The following EPHX1 variants were observed in gnomAD, a reference collection of about 807,000 sequenced individuals.
EPHX1 encodes the protein epoxide hydratase.
EPHX1 carries 40 observed loss-of-function variants against 43.2 expected under a neutral mutation model. That is an observed-to-expected ratio of 0.93 (90% CI 0.72 to 1.21). The LOEUF (loss-of-function observed/expected upper bound fraction) is 1.21. EPHX1 is among the 50% of genes most tolerant of loss of function. The pLI is 0.00. For synonymous variants in EPHX1, 221 were observed against 226.7 expected, an observed-to-expected ratio of 0.98 and a Z score of 0.22; for missense variants, 550 against 570.4, an observed-to-expected ratio of 0.96 and a Z score of 0.36.
At chr1:225,834,097 CAAAAAAAAAAAAAAGA>C (rs1163910136) in intron 3 of EPHX1, among the ~76,000 whole-genome samples, 1 of 56,938 alleles carries the variant, frequency 1.8e-5, no homozygotes, top group Non-Finnish European at 3.0e-5. Flanking sequence ...GACTCTGTCT[CAAAAAAAAAAAAAAGA>C]AAAAAAAAAA....
intron 3 of EPHX1, among the ~76,000 whole-genome samples, chr1:225,835,382 CTTTTTTTT>C (rs763161291): frequency 1.1e-5 from 1 of 90,978 alleles, no homozygotes; most frequent in African/African-American, 4.7e-5. Flanking sequence ...CCACACTAGG[CTTTTTTTT>C]TTTTTTTTTT....
intron 1 of EPHX1, among the ~76,000 whole-genome samples, chr1:225,818,005 TA>T (rs1666804878): frequency 6.6e-6 from 1 of 152,168 alleles, no homozygotes; most frequent in African/African-American, 2.4e-5. Context: ...CCCATCTTTT[TA>T]GACCCAAAAC....
intron 1 of EPHX1, among the ~76,000 whole-genome samples, chr1:225,827,308 T>TC (rs1395248069): frequency 1.3e-5 from 2 of 152,070 alleles, no homozygotes; most frequent in African/African-American, 2.4e-5. Context: ...CTCGATGCTT[T>TC]CTCCTCCGTC....
chr1:225,830,084 A>C (rs1344436732), intron 2 of EPHX1, among the ~76,000 whole-genome samples: 1 of 152,228 alleles, frequency 6.6e-6, no homozygotes, highest in Non-Finnish European at 1.5e-5. Flanking sequence ...ATCTCAAAAA[A>C]AGAAACAGAT....
At position 225,823,383 on chromosome 1, in the gene EPHX1, T is replaced by C. The variant is rs189827518; in HGVS notation, c.-5-5342T>C. ...TGTTTTCATTTCTAAAGTCAAAGGTTGTCAGAGTTGCTGTTTTGCAGGGAG... is the reference window on the plus strand; with the variant it reads ...TGTTTTCATTTCTAAAGTCAAAGGTCGTCAGAGTTGCTGTTTTGCAGGGAG... On this transcript the variant is annotated intron_variant, in intron 1 of 8. Transcript: ENST00000272167. Among the ~76,000 whole-genome samples, 901 of 152,274 alleles carry C rather than the reference T, an allele frequency of 5.9e-3. 13 individuals carry two copies. The highest frequency in any genetic ancestry group is 0.021 in the African/African-American group (856 of 41,552).
Position 225,837,898 on chromosome 1 carries a change from T to A in EPHX1, c.365-756T>A, listed in dbSNP as rs540228071. 2.0e-5 allele frequency among the ~76,000 whole-genome samples: 3 copies of A among 152,268 alleles called. No homozygotes were observed. The East Asian group carries it at 5.8e-4, about 29-fold the overall frequency. ...ATTTTGTCAATGTGTATGAAAAAAA[T>A]TATGCATTTAATACCTGTTCATTGT... On this transcript the variant is annotated intron_variant, in intron 3 of 8. Transcript: ENST00000272167.
intron 2 of EPHX1, among the ~76,000 whole-genome samples, 181 bp from the exon 3 acceptor site, chr1:225,831,598 A>T (rs1667605079): frequency 6.6e-6 from 1 of 152,140 alleles, no homozygotes; most frequent in African/African-American, 2.4e-5. Flanking sequence ...ACAGTGAAGA[A>T]GGAAGAAGTG....
In EPHX1 at chr1:225,845,358, TC is replaced by T. The variant is rs763539237; in HGVS notation, c.*17del. ...CTGGAGCGGCAATGACCCACCCCTCTCCCCCCGCCTGCCACCTCCCCCCACA... is the reference window on the plus strand; with the variant it reads ...CTGGAGCGGCAATGACCCACCCCTCTCCCCCGCCTGCCACCTCCCCCCACA... On this transcript the variant is annotated 3_prime_UTR_variant, in exon 9 of 9. Transcript: ENST00000272167. The T allele has an allele frequency of 2.2e-6, 3 of 1,356,934 alleles. No homozygotes were observed. The highest frequency in any genetic ancestry group is 9.8e-7 in the Non-Finnish European group (1 of 1,023,162). 84.1% of individuals were successfully genotyped at this position (1,356,934 alleles called of 1,614,324 possible).
Position 225,821,618 on chromosome 1 carries a change from T to G in EPHX1, c.-5-7107T>G, listed in dbSNP as rs1666983488. ...ACAGGTTCTTCCTCTCAGGCTGGAG[T>G]GCAGTGATCATAGCTCACTGCAGCC... On this transcript the variant is annotated intron_variant, in intron 1 of 8. Coordinates refer to ENST00000272167, the MANE Select transcript of EPHX1 (RefSeq NM_001136018.4). Among the ~76,000 whole-genome samples, 4 of 133,694 alleles carry G rather than the reference T, an allele frequency of 3.0e-5. No individual in the cohort carries two copies. In the South Asian group the frequency reaches 9.7e-4, roughly 32 times the overall value. The allele number at this position is 133,694 out of a possible 152,430, so 87.7% of individuals were successfully genotyped here.
chr1:225,812,610 T>C (rs564304046), intron 1 of EPHX1, among the ~76,000 whole-genome samples: 182 of 152,344 alleles, frequency 1.2e-3, no homozygotes, highest in Non-Finnish European at 2.1e-3. Context: ...GGCTTGGTGA[T>C]TGCTCACCTG....
chr1:225,840,362 G>A (rs748953332), intron 6 of EPHX1, among the ~76,000 whole-genome samples: 3 of 152,210 alleles, frequency 2.0e-5, no homozygotes, highest in Non-Finnish European at 4.4e-5. Context: ...AATCCTGGGA[G>A]TGGGCAGCTC....
Position 225,838,659 on chromosome 1 carries a change from G to A in EPHX1, c.370G>A (p.Asp124Asn). The A allele has an allele frequency of 6.2e-7, 1 of 1,613,926 alleles. No individual in the cohort carries two copies. ...ACTGTGCTCTGTCCCCCCAGGGCTG[G>A]ACATCCACTTCATCCACGTGAAGCC... is the stretch of plus-strand genomic sequence containing the variant. The part of the protein sequence containing the change: ...PHFKTKIEGL[D>N]IHFIHVKPPQ... The change falls in exon 4 of 9, where the codon GAC becomes AAC. Residue 124 changes from aspartate to asparagine, a missense_variant. By Grantham distance (23) the Asp-to-Asn change is conservative. Transcript: ENST00000272167.
At chr1:225,831,758 G>C (rs192093363) in intron 2 of EPHX1, 21 bp from the exon 3 acceptor site, 1 of 1,612,714 alleles carries the variant, frequency 6.2e-7, no homozygotes, top group Non-Finnish European at 8.5e-7. Context: ...TCTCAACTTG[G>C]GGTCCTGAAT....
intron 3 of EPHX1, among the ~76,000 whole-genome samples, chr1:225,836,797 C>T (rs370803132): frequency 1.1e-4 from 17 of 152,238 alleles, no homozygotes; most frequent in African/African-American, 3.6e-4. Flanking sequence ...ATAGGGGAAA[C>T]GGCATTGCTG....
At chr1:225,842,221 C>T in intron 6 of EPHX1, 145 bp from the exon 7 acceptor site, 1 of 711,234 alleles carries the variant, frequency 1.4e-6, no homozygotes, top group African/African-American at 1.7e-5. Flanking sequence ...ATGTGAGCAC[C>T]CAGGAGTTAA....
chr1:225,838,576 A>C, intron 3 of EPHX1, 78 bp from the exon 4 acceptor site: 2 of 1,300,146 alleles, frequency 1.5e-6, no homozygotes, highest in Non-Finnish European at 2.2e-6. Context: ...CTCAATATCT[A>C]GGCTCTGGGG....
chr1:225,833,669 C>T (rs1019142380), intron 3 of EPHX1, among the ~76,000 whole-genome samples: 1 of 151,770 alleles, frequency 6.6e-6, no homozygotes, highest in Non-Finnish European at 1.5e-5. Context: ...GTGGCGGGTG[C>T]CTGTAGTCCC....
At chr1:225,823,484 C>A (rs1400950009) in intron 1 of EPHX1, among the ~76,000 whole-genome samples, 3 of 152,228 alleles carry the variant, frequency 2.0e-5, no homozygotes, top group Non-Finnish European at 4.4e-5. Flanking sequence ...ATCAAGCTTC[C>A]CCAGACTCAG....
rs779393301 is a variant in EPHX1, at chr1:225,839,832, C to T, written c.726C>T (p.His242=). The change falls in exon 6 of 9, where the codon CAC becomes CAT. Residue 242 remains histidine, a synonymous_variant. Coordinates refer to ENST00000272167, the MANE Select transcript of EPHX1 (RefSeq NM_001136018.4). ...CTNMAQLVPS[H]VKGLHLNMAL... ...CGGCCCCTCTCTCTGCCTTCAGCCA[C>T]GTGAAAGGCCTGCACTTGAACATGG... 17 of 1,613,652 alleles carry T rather than the reference C, an allele frequency of 1.1e-5. No homozygotes were observed. The highest frequency in any genetic ancestry group is 4.5e-5 in the East Asian group (2 of 44,890).
Sources: allele counts gnomAD v4.1 joint callset (sites outside exome capture counted in the v4.1 genomes callset), GRCh38; gene constraint gnomAD v4.1.1; transcripts MANE v1.5; gene names NCBI Gene and HGNC (gene_info 2026-07-23, HGNC 2026-07-21).